Variants in THOP1 observed in about 807,000 individuals in gnomAD.
THOP1 encodes thimet oligopeptidase 1.
THOP1 carries 49 observed loss-of-function variants against 71.8 expected under a neutral mutation model. That is an observed-to-expected ratio of 0.68 (90% confidence interval 0.54 to 0.87). THOP1 has a LOEUF of 0.87. THOP1 is among the 40% of genes least tolerant of loss of function. THOP1 has a pLI of 0.00. For missense variants in THOP1, 843 were observed against 975.6 expected, an observed-to-expected ratio of 0.86 and a Z score of 1.81; for synonymous variants, 426 against 421.5, an observed-to-expected ratio of 1.01 and a Z score of -0.13.
Position 2,796,069 on chromosome 19 carries a change from T to C in THOP1, c.379-12T>C. 1 of 1,611,258 alleles carries C rather than the reference T, an allele frequency of 6.2e-7. No homozygotes were observed. The highest frequency in any genetic ancestry group is 1.1e-5 in the South Asian group (1 of 91,014). ...GGCCCACGTCCTACATGCTTTGATG[T>C]TTTTATTCCAGGAGAAAGTTCAGAA... On this transcript the variant is annotated splice_polypyrimidine_tract_variant and intron_variant, in intron 3 of 12. Coordinates refer to ENST00000307741, the MANE Select transcript of THOP1 (RefSeq NM_003249.5).
Position 2,807,622 on chromosome 19 carries a change from T to G in THOP1, c.1067T>G (p.Leu356Arg). 6.2e-7 allele frequency: 1 copy of G among 1,612,230 alleles called. No individual in the cohort carries two copies. Among genetic ancestry groups the G allele is most frequent in the Non-Finnish European group, 8.5e-7 (1 of 1,179,568 alleles). Residue 356 changes from leucine (L) to arginine (R), a missense_variant, in exon 8 of 13, where the codon CTC (leucine) becomes CGC (arginine). Leu to Arg is a moderately radical substitution (Grantham distance 102, BLOSUM62 -2). Coordinates refer to ENST00000307741, the MANE Select transcript of THOP1 (RefSeq NM_003249.5). Reference sequence around the variant, plus strand: ...CGCTACTGCGTGGACCAGAACCTGCTCAAGGAGTACTTCCCCGTGCAGGTG... The same window carrying G: ...CGCTACTGCGTGGACCAGAACCTGCGCAAGGAGTACTTCCCCGTGCAGGTG... ...ETRYCVDQNL[L>R]KEYFPVQVVT...
At chr19:2,808,015 G>A in intron 8 of THOP1, 1 of 786,348 alleles carries the variant, frequency 1.3e-6, no homozygotes, top group East Asian at 2.8e-5. Flanking sequence ...CCCCGACAGG[G>A]CGCAGCTCTG....
intron 8 of THOP1, 123 bp from the exon 9 acceptor site, chr19:2,808,120 G>T: frequency 8.6e-7 from 1 of 1,160,632 alleles, no homozygotes; most frequent in South Asian, 1.4e-5. Context: ...TGAGAGGGAG[G>T]TTTAGAACCT....
Position 2,813,255 on chromosome 19 carries a change from G to A in THOP1, c.2049G>A (p.Glu683=), listed in dbSNP as rs772891722. The change falls in exon 13 of 13, where the codon GAG becomes GAA. Residue 683 remains glutamate, a synonymous_variant. Coordinates refer to ENST00000307741, the MANE Select transcript of THOP1 (RefSeq NM_003249.5). ...AGGGGCTGCAGGTCGGGGGCTGCGA[G>A]CCCGAGCCGCAGGTCTGCTGAGGCC... ...LSKGLQVGGC[E]PEPQVC is the part of the protein sequence containing the mutation. The A allele has an allele frequency of 4.4e-6, 7 of 1,608,402 alleles. No individual in the cohort carries two copies. The South Asian group carries it at 7.7e-5, about 18-fold the overall frequency.
At chr19:2,786,224 A>G (rs1456892129) in intron 1 of THOP1, among the ~76,000 whole-genome samples, 1 of 152,132 alleles carries the variant, frequency 6.6e-6, no homozygotes, top group Non-Finnish European at 1.5e-5. Context: ...GAGAGCAGAA[A>G]GTCAGTTTGG....
rs1158041022 is a variant in THOP1 at position 2,794,751 on chromosome 19, T to G, written c.230-13T>G. ...TGTTCTCACACCTGTCTCCCTGGTC[T>G]CCCCTGTTTTAGTTCAGAGGAATAT... On this transcript the variant is annotated splice_polypyrimidine_tract_variant and intron_variant, in intron 2 of 12. Transcript: ENST00000307741. 7 of 1,602,762 alleles carry G rather than the reference T, an allele frequency of 4.4e-6. No individual in the cohort carries two copies. Among genetic ancestry groups the G allele is most frequent in the Non-Finnish European group, 6.0e-6 (7 of 1,170,498 alleles).
chr19:2,787,547 A>T (rs1915776661), intron 1 of THOP1, among the ~76,000 whole-genome samples: 1 of 152,232 alleles, frequency 6.6e-6, no homozygotes, highest in South Asian at 2.1e-4. Context: ...GGTTTAATGT[A>T]GATCCACAGT....
chr19:2,786,589 A>G (rs575212426), intron 1 of THOP1, among the ~76,000 whole-genome samples: 2 of 151,780 alleles, frequency 1.3e-5, no homozygotes, highest in African/African-American at 2.4e-5. Context: ...TGTACTGTTT[A>G]TTTATTTATT....
chr19:2,796,436 G>A (rs1437204580), intron 4 of THOP1, among the ~76,000 whole-genome samples: 1 of 151,246 alleles, frequency 6.6e-6, no homozygotes, highest in African/African-American at 2.4e-5. Flanking sequence ...CTGGGTGCCG[G>A]GAGTGCTGGG....
In THOP1 at chr19:2,811,716, G is replaced by C. The variant is rs1599534128; in HGVS notation, c.1890G>C (p.Glu630Asp). Residue 630 changes from glutamate (E) to aspartate (D), a missense_variant, in exon 12 of 13, where the codon GAG becomes GAC. By Grantham distance (45) the Glu-to-Asp change is conservative (BLOSUM62 2). Coordinates refer to ENST00000307741, the MANE Select transcript of THOP1 (RefSeq NM_003249.5). ...MDMFHTRFKQ[E>D]GVLNSKVGMD... ...TGTTCCACACGCGCTTCAAGCAGGA[G>C]GGTGTCCTGAACAGCAAGGTACGCG... is the stretch of plus-strand genomic sequence containing the variant. 6.2e-7 allele frequency: 1 copy of C among 1,613,342 alleles called. No individual in the cohort carries two copies. The highest frequency in any genetic ancestry group is 8.5e-7 in the Non-Finnish European group (1 of 1,179,896).
intron 11 of THOP1, 118 bp from the exon 12 acceptor site, chr19:2,811,480 T>C: frequency 1.4e-6 from 2 of 1,386,936 alleles, no homozygotes; most frequent in Non-Finnish European, 1.9e-6. Flanking sequence ...CTCACCGTGA[T>C]CCTCCAGCTT....
chr19:2,798,767 T>C (rs548161692), intron 4 of THOP1, among the ~76,000 whole-genome samples: 1 of 152,354 alleles, frequency 6.6e-6, no homozygotes, highest in South Asian at 2.1e-4. Context: ...CGGATGAGCA[T>C]TTCTGCTCTG....
In THOP1 at chr19:2,810,750, G is replaced by A. The variant is rs757711768; in HGVS notation, c.1753G>A (p.Gly585Arg). The change falls in exon 11 of 13, where the codon GGG (glycine) becomes AGG (arginine). Residue 585 changes from glycine to arginine, a missense_variant. By Grantham distance (125) the Gly-to-Arg change is moderately radical. Transcript: ENST00000307741. ...EYARLCQEIL[G>R]VPATPGTNMP... ...TGCGCGGCTCTGCCAGGAGATCCTC[G>A]GGGTCCCGGCCACGCCAGGTAGCCA... 1.5e-5 allele frequency: 24 copies of A among 1,601,910 alleles called. 1 individual carries two copies. The highest frequency in any genetic ancestry group is 1.6e-4 in the Middle Eastern group (1 of 6,066).
intron 1 of THOP1, among the ~76,000 whole-genome samples, chr19:2,786,337 T>C (rs1915741454): frequency 6.6e-6 from 1 of 152,132 alleles, no homozygotes; most frequent in Non-Finnish European, 1.5e-5. Flanking sequence ...CCTCGAACTC[T>C]TGGACTCAGT....
At chr19:2,791,068 A>G (rs1216511961) in intron 2 of THOP1, among the ~76,000 whole-genome samples, 1 of 152,158 alleles carries the variant, frequency 6.6e-6, no homozygotes, top group African/African-American at 2.4e-5. Flanking sequence ...TTTCTCTCTG[A>G]ATGACTGAAC....
intron 5 of THOP1, among the ~76,000 whole-genome samples, chr19:2,800,422 T>C (rs188997607): frequency 2.6e-5 from 4 of 152,222 alleles, no homozygotes; most frequent in Non-Finnish European, 5.9e-5. Flanking sequence ...GGGCTCAGGA[T>C]CTGCCTGCCT....
chr19:2,799,600 C>A, intron 4 of THOP1, 89 bp from the exon 5 acceptor site: 1 of 1,044,006 alleles, frequency 9.6e-7, no homozygotes, highest in Non-Finnish European at 1.5e-6. Flanking sequence ...AATCCCTCAG[C>A]CCTCGGCGAG....
At chr19:2,802,856 C>T (rs2283597) in intron 5 of THOP1, among the ~76,000 whole-genome samples, 3,273 of 152,356 alleles carry the variant, frequency 0.021, 132 homozygotes, top group South Asian at 0.15. Context: ...CTGTCTTATT[C>T]CCGGGTTATC....
rs972010863 is a variant in THOP1 at position 2,805,229 on chromosome 19, G to T, written c.750+53G>T. The T allele has an allele frequency of 5.8e-6, 9 of 1,561,888 alleles. No homozygotes were observed. The highest frequency in any genetic ancestry group is 6.1e-6 in the Non-Finnish European group (7 of 1,154,192). On this transcript the variant is annotated intron_variant, in intron 6 of 12. Transcript: ENST00000307741. This position sits in a 1 kb window ranked among gnomAD's most constrained non-coding sequence, Gnocchi z 6.6. ...GAACAGTGGGTCTGGAGCTTGTGGG[G>T]CCCGTCTGCTCCATGTGTGTGAGGC... is the stretch of plus-strand genomic sequence containing the variant.
Sources: gnomAD v4.1 joint callset for allele counts (sites outside exome capture counted in the v4.1 genomes callset) on GRCh38, gnomAD v4.1.1 for gene constraint, Gnocchi (gnomAD v3.1) non-coding constraint, MANE v1.5 for transcripts, NCBI Gene and HGNC (gene_info 2026-07-23, HGNC 2026-07-21) for gene names.